MUC12: variants seen among roughly 807,000 people sequenced by gnomAD.
The protein encoded by MUC12 is mucin-12.
Under a neutral mutation model 230.8 loss-of-function variants are expected in MUC12, and 172 were observed. That is an observed-to-expected ratio of 0.75 (90% CI 0.66 to 0.85). The LOEUF is 0.85. Ranked by LOEUF, MUC12 falls within the 40% of genes least tolerant of loss-of-function variation. The probability of loss-of-function intolerance (pLI) is 0.00; values close to 1 mark genes in which losing one functional copy is unlikely to be tolerated. For synonymous variants in MUC12, 1,259 were observed against 2,401.9 expected (o/e 0.52, Z 13.91); for missense variants, 3,506 against 5,920.6 (o/e 0.59, Z 13.38).
Position 100,993,065 on chromosome 7 carries a change from C to A in MUC12, c.2502C>A (p.Ala834=), listed in dbSNP as rs777908926. Residue 834 remains alanine (A), a synonymous_variant, in exon 2 of 12, where the codon GCC becomes GCA. Coordinates refer to ENST00000536621, the MANE Select transcript of MUC12 (RefSeq NM_001164462.2). ...TTFHSSPRSP[A]TTLSPASTTS... The stretch of plus-strand genomic sequence containing the variant: ...TCCATAGTAGCCCCAGATCACCAGC[C>A]ACAACACTCTCACCTGCCAGCACGA... 4.0e-5 allele frequency: 61 copies of A among 1,535,312 alleles called. 1 individual carries two copies. In the African/African-American group the frequency reaches 6.8e-4, roughly 17 times the overall value.
At position 101,004,640 on chromosome 7, in the gene MUC12, A is replaced by G. The variant is rs1584843415; in HGVS notation, c.14077A>G (p.Asn4693Asp). The change falls in exon 2 of 12, where the codon AAT (asparagine) becomes GAT (aspartate). Residue 4693 changes from asparagine to aspartate, a missense_variant. By Grantham distance (23) the Asn-to-Asp change is conservative. Transcript: ENST00000536621. ...AGCATCCCACAGCAGCCCAGATACA[A>G]ATGGAATCACACCCTTACCTGCCCA... ...STASHSSPDT[N>D]GITPLPAHFT... 4 of 1,537,398 alleles carry G rather than the reference A, an allele frequency of 2.6e-6. No individual in the cohort carries two copies. In the East Asian group the frequency reaches 9.8e-5, roughly 38 times the overall value.
chr7:101,004,752 C>G lies in MUC12; in HGVS notation c.14189C>G (p.Thr4730Arg), dbSNP rs1274304430. Residue 4730 changes from threonine to arginine, a missense_variant, in exon 2 of 12, where the codon ACA becomes AGA. Physicochemically the swap from Thr to Arg is moderately conservative, Grantham distance 71. Coordinates refer to ENST00000536621, the MANE Select transcript of MUC12 (RefSeq NM_001164462.2). ...GAAACAACATTAGCCAGCACTGCCACAACACCAGGCCTCAGTGCAAAATCT... is the reference window on the plus strand; with the variant it reads ...GAAACAACATTAGCCAGCACTGCCAGAACACCAGGCCTCAGTGCAAAATCT... ...SMETTLASTA[T>R]TPGLSAKSTI... The G allele has an allele frequency of 3.3e-6, 5 of 1,536,844 alleles. No individual in the cohort carries two copies. The highest frequency in any genetic ancestry group is 2.7e-5 in the African/African-American group (2 of 72,986).
rs1426683293 is a variant in MUC12 at position 101,003,908 on chromosome 7, T to C, written c.13345T>C (p.Ser4449Pro). The C allele has an allele frequency of 1.4e-6, 2 of 1,452,992 alleles. No homozygotes were observed. Among genetic ancestry groups the C allele is most frequent in the South Asian group, 2.5e-5 (2 of 81,536 alleles). 90.0% of individuals were successfully genotyped at this position (1,452,992 alleles called of 1,614,324 possible). Reference sequence around the variant, plus strand: ...CCACAGCAGCACAACACACACAATATCTTCAGCTCCTAGCACCACATCTGC... The same window carrying C: ...CCACAGCAGCACAACACACACAATACCTTCAGCTCCTAGCACCACATCTGC... ...TSHSSTTHTI[S>P]SAPSTTSALV... is the part of the protein sequence containing the mutation. The change falls in exon 2 of 12, where the codon TCT becomes CCT. Residue 4449 changes from serine (S) to proline (P), a missense_variant. Physicochemically the swap from Ser to Pro is moderately conservative, Grantham distance 74. Transcript: ENST00000536621.
At position 101,013,932 on chromosome 7, in the gene MUC12, C is replaced by G. The variant is rs1188493328; in HGVS notation, c.15658C>G (p.His5220Asp). The G allele has an allele frequency of 6.5e-7, 1 of 1,535,502 alleles. No homozygotes were observed. The highest frequency in any genetic ancestry group is 2.0e-5 in the Admixed American group (1 of 50,716). ...PRCLCPNTNT[H>D]WYWGETCEFN... ...CCCCAGGTGCCCAAATACGAACACA[C>G]ACTGGTACTGGGGAGAGACCTGTGA... Residue 5220 changes from histidine (H) to aspartate (D), a missense_variant, in exon 9 of 12, where the codon CAC becomes GAC. Transcript: ENST00000536621.
rs924122732 is a variant in MUC12 at position 101,004,482 on chromosome 7, C to G, written c.13919C>G (p.Thr4640Arg). Residue 4640 changes from threonine to arginine, a missense_variant, in exon 2 of 12, where the codon ACA becomes AGA. Coordinates refer to ENST00000536621, the MANE Select transcript of MUC12 (RefSeq NM_001164462.2). ...SRTSHSSTTH[T>R]ISSPPSTTSA... ...ACTTCCCACAGCAGCACAACACACACAATATCTTCACCTCCTAGCACCACA... is the reference window on the plus strand; with the variant it reads ...ACTTCCCACAGCAGCACAACACACAGAATATCTTCACCTCCTAGCACCACA... 9.1e-6 allele frequency: 14 copies of G among 1,532,018 alleles called. No homozygotes were observed. Among genetic ancestry groups the G allele is most frequent in the African/African-American group, 4.2e-5 (3 of 70,948 alleles). 94.9% of individuals were successfully genotyped at this position (1,532,018 alleles called of 1,614,324 possible).
rs957055137 is a variant in MUC12 at position 101,017,675 on chromosome 7, G to A, written c.15966+12G>A. ...ACTCTGGCACAGAGGTGACTCAGCT[G>A]CGAGCTGCCCCCACCCCCTGAGGCT... On this transcript the variant is annotated intron_variant, in intron 11 of 11. Transcript: ENST00000536621. 102 of 1,532,164 alleles carry A rather than the reference G, an allele frequency of 6.7e-5. No individual in the cohort carries two copies. Among genetic ancestry groups the A allele is most frequent in the Non-Finnish European group, 8.5e-5 (97 of 1,143,074 alleles). 94.9% of individuals were successfully genotyped at this position (1,532,164 alleles called of 1,614,324 possible). A position where few individuals can be genotyped will look rare whatever the true frequency, so the allele number is the denominator to read the frequency against.
Position 101,008,986 on chromosome 7 carries a change from G to A in MUC12, c.15187-109G>A, listed in dbSNP as rs1793800717. The A allele has an allele frequency of 7.3e-6, 10 of 1,361,080 alleles. 1 individual carries two copies. In the South Asian group the frequency reaches 8.9e-5, roughly 12 times the overall value. 84.3% of individuals were successfully genotyped at this position (1,361,080 alleles called of 1,614,324 possible). A position where few individuals can be genotyped will look rare whatever the true frequency, so the allele number is the denominator to read the frequency against. On this transcript the variant is annotated intron_variant, in intron 4 of 11. Transcript: ENST00000536621. ...CCTGGGTTGGTGGTTCCTCCTATGG[G>A]AGCTTACCTGGGCTCCACAGAAAGG...
chr7:101,016,830 C>G (rs1173419250), intron 10 of MUC12: 1 of 152,526 alleles, frequency 6.6e-6, no homozygotes, highest in East Asian at 1.9e-4. Context: ...GGAGAAGCAG[C>G]CGGTGGAGCA....
intron 2 of MUC12, 77 bp from the exon 3 acceptor site, chr7:101,006,394 C>A: frequency 1.1e-6 from 1 of 949,876 alleles, no homozygotes; most frequent in Non-Finnish European, 1.6e-6. Context: ...TGCTGAGTGA[C>A]TGGACCTGGA....
chr7:100,986,403 G>A (rs1399590480), intron 1 of MUC12, among the ~76,000 whole-genome samples: 2 of 139,346 alleles, frequency 1.4e-5, no homozygotes, highest in Non-Finnish European at 3.1e-5. Flanking sequence ...AGGTAACAGA[G>A]TGAGACCCTG....
chr7:100,983,827 T>G (rs1460560006), intron 1 of MUC12, among the ~76,000 whole-genome samples: 1 of 152,196 alleles, frequency 6.6e-6, no homozygotes, highest in Non-Finnish European at 1.5e-5. Context: ...AATAGACACA[T>G]TCTACTTTTA....
rs760780312 is a variant in MUC12 at position 101,013,002 on chromosome 7, C to G, written c.15498C>G (p.Ala5166=). 1 of 1,537,146 alleles carries G rather than the reference C, an allele frequency of 6.5e-7. No homozygotes were observed. The highest frequency in any genetic ancestry group is 1.4e-5 in the African/African-American group (1 of 73,014). ...CAGAGCAATGCACCCAGAAGGCTGC[C>G]GAAGGATATACCCAGTTCTACTATG... The part of the protein sequence containing the change: ...DFQEQCTQKA[A]EGYTQFYYVD... Residue 5166 remains alanine, a synonymous_variant, in exon 8 of 12, where the codon GCC becomes GCG. Coordinates refer to ENST00000536621, the MANE Select transcript of MUC12 (RefSeq NM_001164462.2).
chr7:101,013,359 G>C (rs1793866214), intron 8 of MUC12, among the ~76,000 whole-genome samples: 2 of 152,102 alleles, frequency 1.3e-5, no homozygotes, highest in Non-Finnish European at 2.9e-5. Context: ...TCCCAAAGCT[G>C]GGCAATCCCT....
chr7:100,987,867 A>G (rs576907718), intron 1 of MUC12, among the ~76,000 whole-genome samples: 1 of 152,130 alleles, frequency 6.6e-6, no homozygotes, highest in South Asian at 2.1e-4. Flanking sequence ...GCTACTTGGG[A>G]GGCTGAGGCA....
intron 1 of MUC12, among the ~76,000 whole-genome samples, chr7:100,979,527 A>G (rs1025810806): frequency 6.6e-6 from 1 of 152,202 alleles, no homozygotes; most frequent in African/African-American, 2.4e-5. Flanking sequence ...CATGCCTGCA[A>G]TCTCAGCACT....
chr7:101,014,171 C>T, intron 9 of MUC12, 97 bp downstream of exon 9: 2 of 1,363,250 alleles, frequency 1.5e-6, no homozygotes, highest in Non-Finnish European at 9.6e-7. Flanking sequence ...CCTTCCAGGC[C>T]AGCAATCAGA....
At position 100,991,871 on chromosome 7, in the gene MUC12, A is replaced by T. The variant is rs751315011; in HGVS notation, c.1308A>T (p.Glu436Asp). Residue 436 changes from glutamate to aspartate, a missense_variant, in exon 2 of 12, where the codon GAA (glutamate) becomes GAT (aspartate). Coordinates refer to ENST00000536621, the MANE Select transcript of MUC12 (RefSeq NM_001164462.2). ...DSSTISGRSE[E>D]SKASHSSPDA... ...CCACAATCTCAGGCCGTAGTGAGGA[A>T]TCAAAAGCATCCCACAGCAGCCCAG... 9 of 1,537,708 alleles carry T rather than the reference A, an allele frequency of 5.9e-6. No individual in the cohort carries two copies. Among genetic ancestry groups the T allele is most frequent in the Admixed American group, 2.0e-5 (1 of 51,012 alleles).
intron 1 of MUC12, among the ~76,000 whole-genome samples, chr7:100,985,886 C>G (rs765779524): frequency 2.0e-5 from 3 of 152,142 alleles, no homozygotes; most frequent in Non-Finnish European, 4.4e-5. Flanking sequence ...GCCACCCTCA[C>G]TTTGGTGCCG....
In MUC12 at chr7:100,969,702, G is replaced by T. The variant is rs891803946; in HGVS notation, c.67+13G>T. ...ACAGTGACACCAGGTGAGTGCTCCT[G>T]GGCTGATGCTCCAGGTCCAGTGCTC... On this transcript the variant is annotated intron_variant, in intron 1 of 11. Transcript: ENST00000536621. 4.6e-6 allele frequency: 7 copies of T among 1,537,254 alleles called. No homozygotes were observed. The highest frequency in any genetic ancestry group is 6.1e-6 in the Non-Finnish European group (7 of 1,146,902).
Sources: allele counts gnomAD v4.1 joint callset (sites outside exome capture counted in the v4.1 genomes callset), GRCh38; gene constraint gnomAD v4.1.1; transcripts MANE v1.5; gene names NCBI Gene and HGNC (gene_info 2026-07-23, HGNC 2026-07-21).